ITPR1: variants seen among roughly 807,000 people sequenced by gnomAD.
The protein encoded by ITPR1 is inositol 1,4,5-trisphosphate-gated calcium channel ITPR1.
A neutral mutation model predicts 318.4 loss-of-function variants in ITPR1; 96 were observed. The ratio of observed to expected loss-of-function variants is 0.30; its 90% CI spans 0.26 to 0.36. The LOEUF is 0.36. Among genes scored for constraint, ITPR1 ranks in the 10% least tolerant of loss-of-function variants. ITPR1 has a pLI of 1.00. For missense variants in ITPR1, 2,440 were observed against 3,460.2 expected (o/e 0.71, Z 7.40); for synonymous variants, 1,312 against 1,289.9 (o/e 1.02, Z -0.37).
rs115662367 is a variant in ITPR1, at chr3:4,499,979, G to T, written c.-17+5473G>T. Among the ~76,000 whole-genome samples the T allele has an allele frequency of 2.2e-3, 335 of 152,238 alleles. 1 individual carries two copies. The highest frequency in any genetic ancestry group is 7.6e-3 in the African/African-American group (317 of 41,538). The stretch of plus-strand genomic sequence containing the variant: ...TGTTGGATGTCTACTCTTGTTATAT[G>T]AGCACCCCTTGATGCTCACTACCTG... On this transcript the variant is annotated intron_variant, in intron 2 of 61. Coordinates refer to ENST00000649015, the MANE Select transcript of ITPR1 (RefSeq NM_001378452.1).
At chr3:4,799,124 C>T (rs1275007383) in intron 53 of ITPR1, among the ~76,000 whole-genome samples, 3 of 152,222 alleles carry the variant, frequency 2.0e-5, no homozygotes, top group African/African-American at 7.2e-5. Context: ...ACTTCAGAGG[C>T]AAATGGTCTG....
rs1575352766 is a variant in ITPR1 at position 4,814,526 on chromosome 3, T to C, written c.7665T>C (p.Gly2555=). ...TVLSHGLRSG[G]GVGDVLRKPS... is the part of the protein sequence containing the mutation. ...TGAGTCACGGGCTGCGGAGCGGGGG[T>C]GGAGTAGGAGATGTACTCAGGAAGC... The change falls in exon 58 of 62, where the codon GGT becomes GGC. Residue 2555 remains glycine (G), a synonymous_variant. Coordinates refer to ENST00000649015, the MANE Select transcript of ITPR1 (RefSeq NM_001378452.1). The C allele has an allele frequency of 6.3e-7, 1 of 1,591,200 alleles. No individual in the cohort carries two copies. The highest frequency in any genetic ancestry group is 8.5e-7 in the Non-Finnish European group (1 of 1,175,148).
chr3:4,728,676 G>A (rs2042696320), intron 42 of ITPR1, among the ~76,000 whole-genome samples: 1 of 152,158 alleles, frequency 6.6e-6, no homozygotes, highest in Non-Finnish European at 1.5e-5. Flanking sequence ...CTATGAAATA[G>A]CAGGTCTTGT....
intron 44 of ITPR1, among the ~76,000 whole-genome samples, chr3:4,754,055 G>GGT (rs1553727697): frequency 9.1e-5 from 12 of 131,798 alleles, no homozygotes; most frequent in African/African-American, 3.2e-4. Context: ...AAATGGGGGG[G>GGT]GGGTGGCAAG....
intron 58 of ITPR1, 45 bp from the exon 59 acceptor site, chr3:4,815,008 G>A (rs1323803314): frequency 2.0e-6 from 3 of 1,528,448 alleles, no homozygotes; most frequent in Non-Finnish European, 2.7e-6. Flanking sequence ...GCAGACCAAA[G>A]GGTCGCAAGG....
At chr3:4,655,529 G>A (rs774783946) in intron 12 of ITPR1, among the ~76,000 whole-genome samples, 6 of 152,146 alleles carry the variant, frequency 3.9e-5, no homozygotes, top group Non-Finnish European at 5.9e-5. Context: ...GGTTCTCCCA[G>A]ATCATTAGCA....
intron 4 of ITPR1, among the ~76,000 whole-genome samples, chr3:4,552,724 T>C (rs1002935318): frequency 6.6e-6 from 1 of 152,226 alleles, no homozygotes; most frequent in Non-Finnish European, 1.5e-5. Context: ...CTTCAGCCTC[T>C]CTTCCCTCTC....
intron 52 of ITPR1, among the ~76,000 whole-genome samples, chr3:4,792,952 C>T (rs1340880945): frequency 3.9e-5 from 6 of 151,904 alleles, no homozygotes; most frequent in Admixed American, 2.0e-4. Flanking sequence ...GGGGTGTGTT[C>T]GGGAACCACC....
intron 4 of ITPR1, among the ~76,000 whole-genome samples, chr3:4,543,239 G>A (rs1366960870): frequency 2.6e-5 from 4 of 151,198 alleles, no homozygotes; most frequent in South Asian, 4.2e-4. Context: ...TGCAGCCTGG[G>A]CGACAGAGCA....
chr3:4,556,964 C>T (rs182226319), intron 4 of ITPR1, among the ~76,000 whole-genome samples: 1 of 152,252 alleles, frequency 6.6e-6, no homozygotes, highest in East Asian at 1.9e-4. Flanking sequence ...TGCAGTCTCT[C>T]ATTTAGTCCT....
At chr3:4,664,012 T>C (rs1336813487) in intron 16 of ITPR1, among the ~76,000 whole-genome samples, 3 of 152,208 alleles carry the variant, frequency 2.0e-5, no homozygotes, top group Admixed American at 6.5e-5. Context: ...AGCGTACTTG[T>C]TGGATATCAA....
At chr3:4,718,313 C>A (rs1260473719) in intron 40 of ITPR1, among the ~76,000 whole-genome samples, 1 of 152,234 alleles carries the variant, frequency 6.6e-6, no homozygotes, top group Non-Finnish European at 1.5e-5. Context: ...CTTCTCTGAT[C>A]TACTTCAGAT....
chr3:4,784,898 A>G (rs938301947), intron 51 of ITPR1, among the ~76,000 whole-genome samples: 3 of 152,130 alleles, frequency 2.0e-5, no homozygotes, highest in South Asian at 2.1e-4. Context: ...TGTCTCAAAA[A>G]AAAAAGAAAA....
chr3:4,801,120 A>G (rs2048203411), intron 54 of ITPR1, among the ~76,000 whole-genome samples: 1 of 152,192 alleles, frequency 6.6e-6, no homozygotes, highest in Admixed American at 6.5e-5. Flanking sequence ...CTGTTTCACT[A>G]CCATTGAAAG....
chr3:4,565,914 G>A (rs1382735210), intron 4 of ITPR1, among the ~76,000 whole-genome samples: 1 of 152,194 alleles, frequency 6.6e-6, no homozygotes, highest in East Asian at 1.9e-4. Flanking sequence ...ACATTGGGCT[G>A]CAGTTGTTTC....
intron 10 of ITPR1, among the ~76,000 whole-genome samples, chr3:4,646,225 A>G (rs2093453311): frequency 1.3e-5 from 2 of 152,220 alleles, no homozygotes; most frequent in South Asian, 2.1e-4. Flanking sequence ...GGAACACACA[A>G]GGGGATGGTG....
At chr3:4,506,766 A>C (rs1365679564) in intron 2 of ITPR1, among the ~76,000 whole-genome samples, 2 of 152,150 alleles carry the variant, frequency 1.3e-5, no homozygotes, top group Non-Finnish European at 2.9e-5. Flanking sequence ...TATATTTTGC[A>C]TTTTCATCCT....
At chr3:4,741,115 TC>T (rs2043671852) in intron 44 of ITPR1, among the ~76,000 whole-genome samples, 1 of 152,182 alleles carries the variant, frequency 6.6e-6, no homozygotes, top group Admixed American at 6.5e-5. Flanking sequence ...TGGGGGAAGT[TC>T]CCTTCGCTTC....
At chr3:4,669,158 A>G (rs2094017558) in intron 18 of ITPR1, among the ~76,000 whole-genome samples, 1 of 152,196 alleles carries the variant, frequency 6.6e-6, no homozygotes, top group Non-Finnish European at 1.5e-5. Context: ...TAATTATCTC[A>G]TTTAATCCGC....
Sources: gnomAD v4.1 joint callset for allele counts (sites outside exome capture counted in the v4.1 genomes callset) on GRCh38, gnomAD v4.1.1 for gene constraint, MANE v1.5 for transcripts, NCBI Gene and HGNC (gene_info 2026-07-23, HGNC 2026-07-21) for gene names.